Variants in CTNNA2 observed in about 807,000 individuals in gnomAD.
CTNNA2 encodes catenin alpha 2.
Under a neutral mutation model 101.0 loss-of-function variants are expected in CTNNA2, and 42 were observed. The observed-to-expected ratio is 0.42, with a 90% CI of 0.32 to 0.54. The LOEUF is 0.54. Ranked by LOEUF, CTNNA2 falls within the 20% of genes least tolerant of loss-of-function variation. CTNNA2 has a pLI of 0.14. For missense variants in CTNNA2, 871 were observed against 1,223.1 expected (o/e 0.71, Z 4.29); for synonymous variants, 450 against 456.4 (o/e 0.99, Z 0.18).
chr2:80,539,412 C>CAAAA (rs70940083), intron 9 of CTNNA2, among the ~76,000 whole-genome samples: 3 of 123,444 alleles, frequency 2.4e-5, no homozygotes, highest in African/African-American at 2.9e-5. Context: ...CCAGAAGAGC[C>CAAAA]AAAAAAAAAA....
At chr2:80,471,403 T>A (rs1477915618) in intron 9 of CTNNA2, among the ~76,000 whole-genome samples, 1 of 152,238 alleles carries the variant, frequency 6.6e-6, no homozygotes, top group Non-Finnish European at 1.5e-5. Flanking sequence ...TTATTTATTA[T>A]CCAATATATG....
chr2:80,463,324 C>T (rs187409744), intron 9 of CTNNA2, among the ~76,000 whole-genome samples: 16 of 152,258 alleles, frequency 1.1e-4, no homozygotes, highest in Admixed American at 2.6e-4. Flanking sequence ...GCCAGCACTA[C>T]GTCTAACTTC....
At chr2:79,391,648 T>A (rs1016717546) in intron 4 of CTNNA2, among the ~76,000 whole-genome samples, 8 of 152,248 alleles carry the variant, frequency 5.3e-5, no homozygotes, top group Admixed American at 4.6e-4. Flanking sequence ...GGCACTATCA[T>A]TATCTTGATT....
intron 2 of CTNNA2, among the ~76,000 whole-genome samples, chr2:79,215,001 C>G (rs1490176401): frequency 3.3e-5 from 5 of 152,072 alleles, no homozygotes; most frequent in Non-Finnish European, 5.9e-5. Flanking sequence ...GACTTACCTT[C>G]CACTGTGAGA....
At chr2:79,331,362 C>T (rs1676868737) in intron 3 of CTNNA2, among the ~76,000 whole-genome samples, 2 of 152,152 alleles carry the variant, frequency 1.3e-5, no homozygotes, top group African/African-American at 4.8e-5. Flanking sequence ...ACAGAAAGGT[C>T]AACTTAGGTC....
chr2:80,546,880 A>T (rs1362792762), intron 11 of CTNNA2, among the ~76,000 whole-genome samples: 2 of 152,214 alleles, frequency 1.3e-5, no homozygotes, highest in Admixed American at 1.3e-4. Context: ...GTGTTAAAAG[A>T]GCCAGCTGAC....
intron 10 of CTNNA2, 82 bp from the exon 11 acceptor site, chr2:80,545,825 G>T (rs1692012087): frequency 2.1e-6 from 3 of 1,445,736 alleles, no homozygotes; most frequent in Admixed American, 3.8e-5. Context: ...CAGGGTGCAT[G>T]GTTTTAACAT....
chr2:80,330,486 C>T (rs1671218486), intron 7 of CTNNA2, among the ~76,000 whole-genome samples: 1 of 148,786 alleles, frequency 6.7e-6, no homozygotes, highest in Admixed American at 6.7e-5. Context: ...TTCCCAACTG[C>T]ATCTACTTTT....
intron 4 of CTNNA2, among the ~76,000 whole-genome samples, chr2:79,471,021 G>T (rs993651212): frequency 1.3e-5 from 2 of 152,154 alleles, no homozygotes; most frequent in African/African-American, 4.8e-5. Flanking sequence ...ACAGAATTTT[G>T]TTGTAGAATT....
chr2:79,899,660 T>C (rs1345315759), intron 6 of CTNNA2, among the ~76,000 whole-genome samples: 5 of 152,396 alleles, frequency 3.3e-5, no homozygotes, highest in African/African-American at 9.6e-5. Flanking sequence ...CCAATTAAAC[T>C]GAACTGTTTA....
At chr2:79,228,345 G>A (rs1674448028) in intron 2 of CTNNA2, among the ~76,000 whole-genome samples, 1 of 152,152 alleles carries the variant, frequency 6.6e-6, no homozygotes, top group South Asian at 2.1e-4. Context: ...TTCCACAATG[G>A]CTCAACTAGT....
intron 2 of CTNNA2, among the ~76,000 whole-genome samples, chr2:79,736,781 C>G (rs11682247): frequency 6.6e-6 from 1 of 152,082 alleles, no homozygotes; most frequent in African/African-American, 2.4e-5. Context: ...TTCCCAAAAG[C>G]TTAGTACTCG....
chr2:79,459,078 C>T (rs775713820), intron 4 of CTNNA2, among the ~76,000 whole-genome samples: 8 of 152,088 alleles, frequency 5.3e-5, no homozygotes, highest in Non-Finnish European at 1.2e-4. Context: ...AATATGATTA[C>T]ATATGAAGTA....
At chr2:80,281,951 T>TG (rs1301438073) in intron 7 of CTNNA2, among the ~76,000 whole-genome samples, 1 of 152,084 alleles carries the variant, frequency 6.6e-6, no homozygotes, top group African/African-American at 2.4e-5. Flanking sequence ...AAGTTTTTTT[T>TG]TTTTAATTTT....
intron 2 of CTNNA2, among the ~76,000 whole-genome samples, chr2:79,664,185 G>A (rs1401118583): frequency 6.6e-6 from 1 of 152,006 alleles, no homozygotes; most frequent in Non-Finnish European, 1.5e-5. Context: ...CTTATATATT[G>A]CATATGCATG....
chr2:79,573,149 A>G (rs1675564848), intron 1 of CTNNA2, among the ~76,000 whole-genome samples: 1 of 152,202 alleles, frequency 6.6e-6, no homozygotes, highest in Admixed American at 6.5e-5. Flanking sequence ...GAATTTTAAA[A>G]CAAAATTACT....
intron 1 of CTNNA2, among the ~76,000 whole-genome samples, chr2:79,566,674 T>A (rs1023493741): frequency 1.3e-5 from 2 of 152,102 alleles, no homozygotes; most frequent in Non-Finnish European, 2.9e-5. Flanking sequence ...ATACTTTTTA[T>A]AAAATGATGA....
intron 3 of CTNNA2, among the ~76,000 whole-genome samples, chr2:79,365,578 A>C (rs1163542851): frequency 6.7e-6 from 1 of 149,032 alleles, no homozygotes; most frequent in Non-Finnish European, 1.5e-5. Flanking sequence ...GTGAGCTATG[A>C]TGGCACCTGC....
chr2:80,284,404 C>T (rs755026108), intron 7 of CTNNA2, among the ~76,000 whole-genome samples: 107 of 152,206 alleles, frequency 7.0e-4, no homozygotes, highest in South Asian at 1.7e-3. Context: ...AGCAGTTCTT[C>T]CAACCTTTCC....
Sources: allele counts gnomAD v4.1 joint callset (sites outside exome capture counted in the v4.1 genomes callset), GRCh38; gene constraint gnomAD v4.1.1; transcripts MANE v1.5; gene names NCBI Gene and HGNC (gene_info 2026-07-23, HGNC 2026-07-21).